HTRA1: variants seen among roughly 807,000 people sequenced by gnomAD.
HTRA1 encodes HtrA serine peptidase 1.
A neutral mutation model predicts 49.7 loss-of-function variants in HTRA1; 26 were observed. The observed-to-expected ratio is 0.52, with a 90% CI of 0.38 to 0.73. HTRA1 has a LOEUF of 0.73. Ranked by LOEUF, HTRA1 falls within the 30% of genes least tolerant of loss-of-function variation. The pLI, the probability that HTRA1 is intolerant of heterozygous loss-of-function variation, is 0.00. For missense variants in HTRA1, 561 were observed against 667.2 expected (o/e 0.84, Z 1.75); for synonymous variants, 291 against 286.9 (o/e 1.01, Z -0.14).
intron 3 of HTRA1, among the ~76,000 whole-genome samples, chr10:122,505,267 C>T (rs570420481): frequency 6.6e-6 from 1 of 152,256 alleles, no homozygotes; most frequent in African/African-American, 2.4e-5. Flanking sequence ...TCTCCTGGTC[C>T]TCTTGGTATC....
Position 122,487,462 on chromosome 10 carries a change from C to G in HTRA1, c.473-1440C>G, listed in dbSNP as rs138717461. 4.4e-4 allele frequency among the ~76,000 whole-genome samples: 67 copies of G among 152,316 alleles called. No individual in the cohort carries two copies. The highest frequency in any genetic ancestry group is 1.5e-3 in the African/African-American group (61 of 41,562). ...TAGCAGTCCGTTTCTGAATCAGTTA[C>G]CTTGGGTATGTGCCTCTGGTTGATG... On this transcript the variant is annotated intron_variant, in intron 1 of 8. Coordinates refer to ENST00000368984, the MANE Select transcript of HTRA1 (RefSeq NM_002775.5). The surrounding 1 kb of genome is among the most constrained non-coding windows in gnomAD (Gnocchi z 4.8).
At chr10:122,471,021 A>G (rs145105606) in intron 1 of HTRA1, among the ~76,000 whole-genome samples, 175 of 152,216 alleles carry the variant, frequency 1.1e-3, no homozygotes, top group African/African-American at 4.0e-3. Flanking sequence ...TCAGCATCCC[A>G]ATCATTATAC....
At chr10:122,477,937 G>A (rs1330257277) in intron 1 of HTRA1, among the ~76,000 whole-genome samples, 1 of 152,130 alleles carries the variant, frequency 6.6e-6, no homozygotes, top group Non-Finnish European at 1.5e-5. Context: ...AGGAAGGGAG[G>A]CTGGGACAGG....
At chr10:122,476,815 G>A (rs2736915) in intron 1 of HTRA1, among the ~76,000 whole-genome samples, 149,923 of 152,234 alleles carry the variant, frequency 0.98, 73,862 homozygotes, top group East Asian at 1. Flanking sequence ...GCCTCTCTGT[G>A]AAGGTGCTGA....
chr10:122,482,257 C>T (rs1428642696), intron 1 of HTRA1, among the ~76,000 whole-genome samples: 5 of 152,114 alleles, frequency 3.3e-5, no homozygotes, highest in Non-Finnish European at 2.9e-5. Flanking sequence ...GATTGGACAC[C>T]ACCATGCCCA....
intron 1 of HTRA1, among the ~76,000 whole-genome samples, chr10:122,466,314 C>T (rs944396050): frequency 7.9e-5 from 12 of 152,240 alleles, no homozygotes; most frequent in Admixed American, 2.0e-4. Context: ...TACAGGCACC[C>T]GCCACCACGC....
chr10:122,461,744 C>A lies in HTRA1; in HGVS notation c.92C>A (p.Ala31Glu). The A allele has an allele frequency of 2.6e-6, 3 of 1,137,834 alleles. No homozygotes were observed. Among genetic ancestry groups the A allele is most frequent in the East Asian group, 5.8e-5 (1 of 17,198 alleles). 70.5% of individuals were successfully genotyped at this position (1,137,834 alleles called of 1,614,324 possible). A position where few individuals can be genotyped will look rare whatever the true frequency, so the allele number is the denominator to read the frequency against. Residue 31 changes from alanine (A) to glutamate (E), a missense_variant, in exon 1 of 9, where the codon GCG becomes GAG. Around this residue, in one of 3 missense-constraint regions of HTRA1, gnomAD observed 111 missense variants for 83.7 expected, o/e 1.33. Coordinates refer to ENST00000368984, the MANE Select transcript of HTRA1 (RefSeq NM_002775.5). ...CAGCTGTCCCGGGCCGGCCGCTCGG[C>A]GCCTTTGGCCGCCGGGTGCCCAGAC... is the stretch of plus-strand genomic sequence containing the variant. The part of the protein sequence containing the change: ...SAQLSRAGRS[A>E]PLAAGCPDRC...
intron 3 of HTRA1, among the ~76,000 whole-genome samples, chr10:122,503,440 G>A (rs919288907): frequency 6.6e-6 from 1 of 152,212 alleles, no homozygotes; most frequent in Non-Finnish European, 1.5e-5. Context: ...GGCTCCTGTG[G>A]GGAGCTGGGG....
At chr10:122,462,424 C>G (rs146313776) in intron 1 of HTRA1, among the ~76,000 whole-genome samples, 2 of 152,248 alleles carry the variant, frequency 1.3e-5, no homozygotes, top group Non-Finnish European at 1.5e-5. Flanking sequence ...AACCACACAG[C>G]GCGGGGACCC....
intron 3 of HTRA1, among the ~76,000 whole-genome samples, chr10:122,496,225 G>GTTTTTTGTTTTTTTTTT (rs1287521208): frequency 1.2e-5 from 1 of 80,384 alleles, no homozygotes; most frequent in Non-Finnish European, 2.3e-5. Context: ...GAGATTGTGG[G>GTTTTTTGTTTTTTTTTT]TTCTTTTTTT....
chr10:122,511,605 C>T (rs561756302), intron 7 of HTRA1, among the ~76,000 whole-genome samples: 2 of 151,940 alleles, frequency 1.3e-5, no homozygotes, highest in East Asian at 3.9e-4. Context: ...TGGTGGCAGG[C>T]ACCTGTAATC....
intron 1 of HTRA1, among the ~76,000 whole-genome samples, chr10:122,485,823 T>G (rs1008259770): frequency 6.6e-6 from 1 of 152,206 alleles, no homozygotes; most frequent in Non-Finnish European, 1.5e-5. Context: ...GCGCTGGTAA[T>G]GGTCCTTCTT....
At chr10:122,496,225 G>GTT (rs1287521208) in intron 3 of HTRA1, among the ~76,000 whole-genome samples, 5,025 of 80,248 alleles carry the variant, frequency 0.063, 1,771 homozygotes, top group East Asian at 0.11. Flanking sequence ...GAGATTGTGG[G>GTT]TTCTTTTTTT....
chr10:122,486,762 G>A (rs758879431), intron 1 of HTRA1, among the ~76,000 whole-genome samples: 12 of 152,002 alleles, frequency 7.9e-5, no homozygotes, highest in African/African-American at 1.2e-4. Context: ...GTGTGTATGC[G>A]TCTGTATGTA....
intron 1 of HTRA1, among the ~76,000 whole-genome samples, chr10:122,486,955 T>TTG (rs568708585): frequency 2.7e-5 from 4 of 150,546 alleles, no homozygotes; most frequent in Non-Finnish European, 5.9e-5. Context: ...ATGTGTGAGT[T>TTG]TGTGTGTGTG....
At chr10:122,473,046 C>T (rs767827314) in intron 1 of HTRA1, among the ~76,000 whole-genome samples, 10 of 152,310 alleles carry the variant, frequency 6.6e-5, no homozygotes, top group Admixed American at 1.3e-4. Context: ...TGGTGCCAAA[C>T]CCCAGCCATT....
Position 122,506,555 on chromosome 10 carries a change from T to G in HTRA1, c.778-136T>G. On this transcript the variant is annotated intron_variant, in intron 3 of 8. Coordinates refer to ENST00000368984, the MANE Select transcript of HTRA1 (RefSeq NM_002775.5). This position sits in a 1 kb window ranked among gnomAD's most constrained non-coding sequence, Gnocchi z 5.2. Reference sequence around the variant, plus strand: ...GCCCGCAGCAAAGGGATGTTAGTTGTGAGCTCAGTTCCCCACCGGGCCTGG... The same window carrying G: ...GCCCGCAGCAAAGGGATGTTAGTTGGGAGCTCAGTTCCCCACCGGGCCTGG... 1.3e-6 allele frequency: 1 copy of G among 752,750 alleles called. No individual in the cohort carries two copies. Among genetic ancestry groups the G allele is most frequent in the Non-Finnish European group, 2.3e-6 (1 of 431,506 alleles). 46.6% of individuals were successfully genotyped at this position (752,750 alleles called of 1,614,324 possible).
intron 3 of HTRA1, among the ~76,000 whole-genome samples, chr10:122,504,823 G>T (rs2097502385): frequency 6.6e-6 from 1 of 152,180 alleles, no homozygotes. Flanking sequence ...TGAGCTTGAG[G>T]AGTGTGGGAA....
At chr10:122,513,759 C>G (rs925820243) in intron 8 of HTRA1, among the ~76,000 whole-genome samples, 2 of 151,472 alleles carry the variant, frequency 1.3e-5, no homozygotes, top group African/African-American at 4.9e-5. Context: ...GATGGAATCC[C>G]ACTCTGTCAC....
Sources: allele counts gnomAD v4.1 joint callset (sites outside exome capture counted in the v4.1 genomes callset), GRCh38; gene constraint gnomAD v4.1.1; regional missense constraint gnomAD v4.1.1; non-coding constraint Gnocchi (gnomAD v3.1); transcripts MANE v1.5; gene names NCBI Gene and HGNC (gene_info 2026-07-23, HGNC 2026-07-21).